ATP10A: variants seen among roughly 807,000 people sequenced by gnomAD.
The protein encoded by ATP10A is phospholipid-transporting ATPase VA.
A neutral mutation model predicts 147.8 loss-of-function variants in ATP10A; 111 were observed. The observed-to-expected ratio is 0.75, with a 90% CI of 0.64 to 0.88. ATP10A has a LOEUF of 0.88. ATP10A is among the 40% of genes least tolerant of loss of function. The pLI is 0.00. For synonymous variants in ATP10A, 875 were observed against 841.6 expected, an observed-to-expected ratio of 1.04 and a Z score of -0.69; for missense variants, 1,927 against 1,959.0, an observed-to-expected ratio of 0.98 and a Z score of 0.31.
intron 3 of ATP10A, among the ~76,000 whole-genome samples, chr15:25,735,036 G>A (rs1460228995): frequency 1.3e-5 from 2 of 151,734 alleles, no homozygotes; most frequent in Non-Finnish European, 2.9e-5. Flanking sequence ...GGAAGTGGGT[G>A]GGGCAGGCGA....
At chr15:25,864,708 T>C (rs1374333553), upstream of ATP10A, among the ~76,000 whole-genome samples, 2 of 152,122 alleles carry the variant, frequency 1.3e-5, no homozygotes, top group African/African-American at 2.4e-5. Context: ...GTCTGCATTG[T>C]TGGGGAAAGG....
intron 3 of ATP10A, among the ~76,000 whole-genome samples, chr15:25,735,475 T>A (rs1461608165): frequency 6.6e-6 from 1 of 152,168 alleles, no homozygotes; most frequent in Non-Finnish European, 1.5e-5. Context: ...CACCTGTCTT[T>A]CTGTTTTGGA....
At chr15:25,775,632 G>T (rs1889567302) in intron 2 of ATP10A, among the ~76,000 whole-genome samples, 1 of 152,270 alleles carries the variant, frequency 6.6e-6, no homozygotes, top group African/African-American at 2.4e-5. Flanking sequence ...AGAGTCAGCA[G>T]CAGATCTTCC....
At chr15:25,760,728 G>A (rs910844793) in intron 2 of ATP10A, among the ~76,000 whole-genome samples, 3 of 152,178 alleles carry the variant, frequency 2.0e-5, no homozygotes, top group South Asian at 2.1e-4. Flanking sequence ...TGAATGTAAT[G>A]TCAGCACTTT....
At chr15:25,774,605 A>C (rs1293263885) in intron 2 of ATP10A, among the ~76,000 whole-genome samples, 1 of 151,498 alleles carries the variant, frequency 6.6e-6, no homozygotes, top group East Asian at 1.9e-4. Context: ...AAAAGATCAG[A>C]GTGCTGGTGC....
intron 12 of ATP10A, among the ~76,000 whole-genome samples, chr15:25,704,049 C>T (rs1231509460): frequency 5.3e-5 from 8 of 151,434 alleles, no homozygotes; most frequent in African/African-American, 1.2e-4. Context: ...ACCCGGGCAC[C>T]GGGAGGGCAT....
intron 1 of ATP10A, among the ~76,000 whole-genome samples, chr15:25,787,063 G>A (rs1890205251): frequency 6.6e-6 from 1 of 152,036 alleles, no homozygotes; most frequent in African/African-American, 2.4e-5. Context: ...GATCCTGACA[G>A]TATGTTCCCA....
intron 10 of ATP10A, chr15:25,710,026 A>C (rs1442885569): frequency 6.6e-6 from 1 of 152,118 alleles, no homozygotes; most frequent in Non-Finnish European, 1.5e-5. Context: ...CCCTAGAGGC[A>C]TTCAGTCAGC....
intron 1 of ATP10A, among the ~76,000 whole-genome samples, chr15:25,803,301 C>A (rs946170235): frequency 1.3e-5 from 2 of 152,226 alleles, no homozygotes; most frequent in Non-Finnish European, 2.9e-5. Flanking sequence ...TGCATTCATG[C>A]GTTCATTCAG....
chr15:25,754,145 T>C (rs1888298546), intron 2 of ATP10A, among the ~76,000 whole-genome samples: 1 of 152,090 alleles, frequency 6.6e-6, no homozygotes, highest in African/African-American at 2.4e-5. Context: ...GTTGTTTGTT[T>C]GTTTTTTGAG....
chr15:25,811,384 G>A (rs994220005), intron 1 of ATP10A, among the ~76,000 whole-genome samples: 1 of 152,162 alleles, frequency 6.6e-6, no homozygotes, highest in Non-Finnish European at 1.5e-5. Flanking sequence ...AGGCAGAGCT[G>A]GGAGAAGAAA....
chr15:25,816,898 C>CA (rs1219980160), intron 1 of ATP10A, among the ~76,000 whole-genome samples: 1 of 151,432 alleles, frequency 6.6e-6, no homozygotes, highest in African/African-American at 2.4e-5. Context: ...GTAAAACAAA[C>CA]AAAAAAAATT....
chr15:25,764,685 T>C (rs1888933082), intron 2 of ATP10A, among the ~76,000 whole-genome samples: 1 of 152,228 alleles, frequency 6.6e-6, no homozygotes, highest in Non-Finnish European at 1.5e-5. Flanking sequence ...CAGTCTGTGG[T>C]CATTTCATTA....
At chr15:25,828,702 T>A (rs1892223350) in intron 1 of ATP10A, among the ~76,000 whole-genome samples, 1 of 152,228 alleles carries the variant, frequency 6.6e-6, no homozygotes, top group South Asian at 2.1e-4. Flanking sequence ...TATCCAGTCA[T>A]AAGCATTTCC....
chr15:25,857,642 T>C (rs1213729729), intron 1 of ATP10A, among the ~76,000 whole-genome samples: 1 of 152,180 alleles, frequency 6.6e-6, no homozygotes. Flanking sequence ...GAGTTGCTAA[T>C]TGTTGAAACT....
chr15:25,822,353 TG>T (rs1891927799), intron 1 of ATP10A, among the ~76,000 whole-genome samples: 1 of 152,208 alleles, frequency 6.6e-6, no homozygotes, highest in Admixed American at 6.5e-5. Flanking sequence ...TAATAACCTA[TG>T]TTTTTTCAGC....
intron 1 of ATP10A, among the ~76,000 whole-genome samples, chr15:25,802,908 G>T (rs1254521236): frequency 6.6e-6 from 1 of 152,166 alleles, no homozygotes; most frequent in Admixed American, 6.5e-5. Context: ...ATCTGTGGGG[G>T]TCATTAATCT....
At chr15:25,835,005 G>A (rs1014793451) in intron 1 of ATP10A, among the ~76,000 whole-genome samples, 3 of 152,222 alleles carry the variant, frequency 2.0e-5, no homozygotes, top group African/African-American at 7.2e-5. Flanking sequence ...GCTCACACCT[G>A]TAATCCCAGC....
chr15:25,804,113 A>G (rs1596920275), intron 1 of ATP10A, among the ~76,000 whole-genome samples: 2 of 100,578 alleles, frequency 2.0e-5, no homozygotes, highest in South Asian at 3.1e-4. Context: ...CATGCCTGTG[A>G]GTGTGCGGTG....
Sources: allele counts gnomAD v4.1 joint callset (sites outside exome capture counted in the v4.1 genomes callset), GRCh38; gene constraint gnomAD v4.1.1; transcripts MANE v1.5; gene names NCBI Gene and HGNC (gene_info 2026-07-23, HGNC 2026-07-21).